Variants in CCDC144A observed in about 807,000 individuals in gnomAD.
CCDC144A encodes coiled-coil domain-containing protein 144A.
CCDC144A carries 41 observed loss-of-function variants against 143.8 expected under a neutral mutation model. The ratio of observed to expected loss-of-function variants is 0.29; its 90% CI spans 0.22 to 0.37. CCDC144A has a LOEUF of 0.37. Ranked by LOEUF, CCDC144A falls within the 10% of genes least tolerant of loss-of-function variation. The probability of loss-of-function intolerance (pLI) is 1.00; values close to 1 mark genes in which losing one functional copy is unlikely to be tolerated. For synonymous variants in CCDC144A, 242 were observed against 517.9 expected (o/e 0.47, Z 7.23); for missense variants, 637 against 1,488.8 (o/e 0.43, Z 9.41).
At chr17:16,719,057 C>A (rs933146498) in intron 6 of CCDC144A, among the ~76,000 whole-genome samples, 10 of 150,580 alleles carry the variant, frequency 6.6e-5, no homozygotes, top group Admixed American at 2.0e-4. Flanking sequence ...GTCTTGAACT[C>A]CTGACCTCGT....
intron 2 of CCDC144A, among the ~76,000 whole-genome samples, chr17:16,697,606 G>A (rs1911490869): frequency 1.3e-5 from 2 of 152,272 alleles, no homozygotes; most frequent in African/African-American, 2.4e-5. Context: ...AAGGAGCTCA[G>A]TTATTCATTT....
At chr17:16,682,527 TAAAA>T in the CCDC144A span, among the ~76,000 whole-genome samples, 1 of 151,512 alleles carries the variant, frequency 6.6e-6, no homozygotes, top group East Asian at 1.9e-4. Context: ...AGAAAGTAAA[TAAAA>T]GAAAGATAAG....
intron 1 of CCDC144A, among the ~76,000 whole-genome samples, chr17:16,692,170 G>T (rs575247791): frequency 3.9e-4 from 59 of 152,192 alleles, no homozygotes; most frequent in African/African-American, 1.3e-3. Flanking sequence ...TTCCATGTCA[G>T]TTGGAGATGA....
rs1032836601 is a variant in CCDC144A at position 16,774,400 on chromosome 17, C to T, written c.*767C>T. The stretch of plus-strand genomic sequence containing the variant: ...TTTCTTTTCAAGTTTTCTTAATTGT[C>T]TATAATGTTCTTTGTAGCAGAAGGA... On this transcript the variant is annotated 3_prime_UTR_variant, in exon 17 of 17. Coordinates refer to ENST00000399273, the MANE Select transcript of CCDC144A (RefSeq NM_001382000.1). 7.1e-6 allele frequency: 1 copy of T among 141,246 alleles called. No individual in the cohort carries two copies. The highest frequency in any genetic ancestry group is 1.5e-5 in the Non-Finnish European group (1 of 66,972). 8.7% of individuals were successfully genotyped at this position (141,246 alleles called of 1,614,324 possible).
rs76289317 is a variant in CCDC144A, at chr17:16,703,802, C to G, written c.416-1349C>G. 5.3e-5 allele frequency among the ~76,000 whole-genome samples: 8 copies of G among 152,012 alleles called. No individual in the cohort carries two copies. In the South Asian group the frequency reaches 6.2e-4, roughly 12 times the overall value. The stretch of plus-strand genomic sequence containing the variant: ...TGGGTGACAGAGTGAGACTCCATCT[C>G]AAAAAACAAACAAACGAACAAAAAA... On this transcript the variant is annotated intron_variant, in intron 2 of 16. Transcript: ENST00000399273.
the CCDC144A span, among the ~76,000 whole-genome samples, chr17:16,681,661 C>T: frequency 2.2e-4 from 34 of 151,962 alleles, no homozygotes; most frequent in Non-Finnish European, 4.6e-4. Context: ...GAGTTCGAGA[C>T]CAGTCTGGCC....
intron 12 of CCDC144A, chr17:16,746,372 C>T: frequency 7.5e-7 from 1 of 1,341,056 alleles, no homozygotes; most frequent in Non-Finnish European, 1.0e-6. Context: ...CTTCTCTTCT[C>T]GAATTCTCTG....
At chr17:16,729,675 C>G (rs1432514076) in intron 9 of CCDC144A, among the ~76,000 whole-genome samples, 1 of 151,618 alleles carries the variant, frequency 6.6e-6, no homozygotes, top group African/African-American at 2.4e-5. Flanking sequence ...CCTGCCTCAG[C>G]CTCCTGAGTA....
Position 16,720,538 on chromosome 17 carries a change from G to C in CCDC144A, c.1771G>C (p.Glu591Gln), listed in dbSNP as rs1467750554. The change falls in exon 8 of 17, where the codon GAG (glutamate) becomes CAG (glutamine). Residue 591 changes from glutamate to glutamine, a missense_variant. Transcript: ENST00000399273. ...KNEVKNQIYPEADFADSMEPS... is the reference protein window; with the variant it reads ...KNEVKNQIYPQADFADSMEPS... ...ATAGGTCAAAAACCAAATATATCCT[G>C]AGGCTGACTTTGCTGACTCAATGGA... 1 of 1,602,308 alleles carries C rather than the reference G, an allele frequency of 6.2e-7. No homozygotes were observed. Among genetic ancestry groups the C allele is most frequent in the East Asian group, 2.2e-5 (1 of 44,824 alleles).
chr17:16,709,388 A>G lies in CCDC144A; in HGVS notation c.1331A>G (p.Gln444Arg). ...GTTATGGTTGAAATGAAAGAAGACC[A>G]AGAGTTTGATTTGCAAATGACAAAA... is the stretch of plus-strand genomic sequence containing the variant. ...EVVMVEMKED[Q>R]EFDLQMTKNM... Residue 444 changes from glutamine (Q) to arginine (R), a missense_variant, in exon 5 of 17, where the codon CAA becomes CGA. Coordinates refer to ENST00000399273, the MANE Select transcript of CCDC144A (RefSeq NM_001382000.1). 1.2e-6 allele frequency: 2 copies of G among 1,611,696 alleles called. No homozygotes were observed. The highest frequency in any genetic ancestry group is 1.7e-6 in the Non-Finnish European group (2 of 1,179,640).
chr17:16,677,567 C>T, the CCDC144A span, among the ~76,000 whole-genome samples: 3 of 152,032 alleles, frequency 2.0e-5, no homozygotes, highest in South Asian at 4.2e-4. Flanking sequence ...GGATTAGGCT[C>T]AGGCCTGTAA....
At chr17:16,676,077 T>C in the CCDC144A span, among the ~76,000 whole-genome samples, 2 of 152,004 alleles carry the variant, frequency 1.3e-5, no homozygotes, top group Non-Finnish European at 2.9e-5. Flanking sequence ...ATGAGTATTA[T>C]GATAAGGCTT....
In CCDC144A at chr17:16,720,242, A is replaced by G; in HGVS notation, c.1749+11A>G. 6.6e-7 allele frequency: 1 copy of G among 1,519,710 alleles called. No individual in the cohort carries two copies. The highest frequency in any genetic ancestry group is 8.8e-7 in the Non-Finnish European group (1 of 1,137,740). 94.1% of individuals were successfully genotyped at this position (1,519,710 alleles called of 1,614,324 possible). On this transcript the variant is annotated intron_variant, in intron 7 of 16. Coordinates refer to ENST00000399273, the MANE Select transcript of CCDC144A (RefSeq NM_001382000.1). Reference sequence around the variant, plus strand: ...AATGAAAAGAACGAGGTATTGTAAAAAAGGAAATGATCTAAAATATTGTTT... The same window carrying G: ...AATGAAAAGAACGAGGTATTGTAAAGAAGGAAATGATCTAAAATATTGTTT...
At chr17:16,730,617 G>T (rs1913694980) in intron 9 of CCDC144A, among the ~76,000 whole-genome samples, 2 of 117,074 alleles carry the variant, frequency 1.7e-5, no homozygotes, top group African/African-American at 8.3e-5. Context: ...TCTAATCTAT[G>T]AACATAGGGC....
At chr17:16,764,414 A>T (rs1915512392) in intron 15 of CCDC144A, 3 of 560,894 alleles carry the variant, frequency 5.3e-6, no homozygotes, top group Non-Finnish European at 5.7e-6. Flanking sequence ...CACATTTTAA[A>T]TTTTTTTAAA....
At chr17:16,686,626 C>G (rs907237175), upstream of CCDC144A, among the ~76,000 whole-genome samples, 8 of 151,182 alleles carry the variant, frequency 5.3e-5, no homozygotes, top group Non-Finnish European at 8.8e-5. Context: ...GGCAACATGG[C>G]AAGACCTCTG....
intron 13 of CCDC144A, 58 bp from the exon 14 acceptor site, chr17:16,762,255 C>T (rs11653065): frequency 0.06 from 91,437 of 1,516,426 alleles, 1,946 homozygotes; most frequent in East Asian, 0.16. Flanking sequence ...GAAACAAATA[C>T]ACAGTAATTA....
At chr17:16,746,772 G>C in intron 12 of CCDC144A, 1 of 1,595,236 alleles carries the variant, frequency 6.3e-7, no homozygotes, top group South Asian at 1.1e-5. Flanking sequence ...TGCGGGGAGC[G>C]CGCGGCCGTT....
chr17:16,769,767 T>C (rs1207817968), intron 15 of CCDC144A, among the ~76,000 whole-genome samples: 1 of 149,634 alleles, frequency 6.7e-6, no homozygotes, highest in Non-Finnish European at 1.5e-5. Flanking sequence ...TACTATTTTT[T>C]GTCTCATGCT....
Sources: allele counts gnomAD v4.1 joint callset (sites outside exome capture counted in the v4.1 genomes callset), GRCh38; gene constraint gnomAD v4.1.1; transcripts MANE v1.5; gene names NCBI Gene and HGNC (gene_info 2026-07-23, HGNC 2026-07-21).